Variants in OLFM2 observed in about 807,000 individuals in gnomAD.
OLFM2 encodes the protein olfactomedin 2, also known as noelin-2.
In OLFM2, 20 loss-of-function variants were observed where a neutral mutation model predicts 43.9. That is an observed-to-expected ratio of 0.46 (90% confidence interval 0.32 to 0.66). OLFM2 has a LOEUF of 0.66. Ranked by LOEUF, OLFM2 falls within the 30% of genes least tolerant of loss-of-function variation. The probability of loss-of-function intolerance (pLI) is 0.04; values close to 1 mark genes in which losing one functional copy is unlikely to be tolerated. For missense variants in OLFM2, 416 were observed against 643.6 expected, an observed-to-expected ratio of 0.65 and a Z score of 3.83; for synonymous variants, 268 against 278.6, an observed-to-expected ratio of 0.96 and a Z score of 0.38.
intron 1 of OLFM2, among the ~76,000 whole-genome samples, chr19:9,917,210 G>A (rs758266479): frequency 3.3e-5 from 5 of 152,014 alleles, no homozygotes; most frequent in Non-Finnish European, 5.9e-5. Flanking sequence ...GTCTTGCTCT[G>A]TCACCCAGGC....
chr19:9,905,838 G>A (rs1247532153), intron 1 of OLFM2, among the ~76,000 whole-genome samples: 4 of 152,122 alleles, frequency 2.6e-5, no homozygotes, highest in Admixed American at 2.0e-4. Context: ...TGGCACAGGC[G>A]CTATACCCTG....
At chr19:9,928,367 GTTTC>G (rs1298130915) in intron 1 of OLFM2, among the ~76,000 whole-genome samples, 1 of 152,126 alleles carries the variant, frequency 6.6e-6, no homozygotes, top group Non-Finnish European at 1.5e-5. Context: ...TTGCCTTTTT[GTTTC>G]TTTCTTCTTG....
chr19:9,858,169 T>A, intron 2 of OLFM2: 1 of 463,392 alleles, frequency 2.2e-6, no homozygotes, highest in South Asian at 2.1e-5. Flanking sequence ...GAAGGAACTT[T>A]CAAAACAGAG....
chr19:9,878,132 G>T (rs1323734939), intron 1 of OLFM2, among the ~76,000 whole-genome samples: 1 of 152,138 alleles, frequency 6.6e-6, no homozygotes, highest in African/African-American at 2.4e-5. Context: ...TTACAGGCGT[G>T]AGCCACCACA....
chr19:9,870,377 A>G (rs1454708423), intron 1 of OLFM2, among the ~76,000 whole-genome samples: 2 of 152,224 alleles, frequency 1.3e-5, no homozygotes, highest in Non-Finnish European at 2.9e-5. Context: ...AAGAAAGTCC[A>G]ACGAGGGAGA....
chr19:9,913,274 G>A (rs1022706454), intron 1 of OLFM2, among the ~76,000 whole-genome samples: 3 of 152,174 alleles, frequency 2.0e-5, no homozygotes, highest in Admixed American at 6.5e-5. Context: ...TGGCGCGGAG[G>A]TGGCTAGGGG....
At chr19:9,889,836 G>A (rs992177830) in intron 1 of OLFM2, among the ~76,000 whole-genome samples, 1 of 152,108 alleles carries the variant, frequency 6.6e-6, no homozygotes, top group African/African-American at 2.4e-5. Flanking sequence ...TGGAGCTGCA[G>A]TTGAAGCAAT....
intron 1 of OLFM2, among the ~76,000 whole-genome samples, chr19:9,909,689 C>T (rs1330769536): frequency 6.6e-6 from 1 of 152,192 alleles, no homozygotes; most frequent in Non-Finnish European, 1.5e-5. Flanking sequence ...GCCTCCCCGA[C>T]GTTGGGGTGC....
intron 1 of OLFM2, among the ~76,000 whole-genome samples, chr19:9,915,844 G>A (rs1327221097): frequency 6.6e-6 from 1 of 152,190 alleles, no homozygotes; most frequent in Non-Finnish European, 1.5e-5. Context: ...GCAGAGACCT[G>A]AAGTGAGGAA....
At chr19:9,880,193 G>A (rs1039628507) in intron 1 of OLFM2, among the ~76,000 whole-genome samples, 3 of 152,266 alleles carry the variant, frequency 2.0e-5, no homozygotes, top group Middle Eastern at 3.4e-3. Flanking sequence ...TGTAGCAATG[G>A]CCTTCTGGAA....
intron 1 of OLFM2, among the ~76,000 whole-genome samples, chr19:9,881,018 C>T (rs2046535651): frequency 1.3e-5 from 2 of 152,152 alleles, no homozygotes; most frequent in Non-Finnish European, 2.9e-5. Context: ...CTGCCTCAGC[C>T]TCCCAAGCAG....
intron 1 of OLFM2, among the ~76,000 whole-genome samples, chr19:9,918,950 CACA>C (rs1272291022): frequency 6.6e-6 from 1 of 152,106 alleles, no homozygotes; most frequent in Non-Finnish European, 1.5e-5. Flanking sequence ...GTGATGGCTG[CACA>C]ACTCTGTAAA....
intron 1 of OLFM2, among the ~76,000 whole-genome samples, chr19:9,916,154 C>T (rs1260802038): frequency 6.6e-6 from 1 of 151,994 alleles, no homozygotes; most frequent in Non-Finnish European, 1.5e-5. Flanking sequence ...GCCAGGAGTT[C>T]GAGACCAGCC....
intron 1 of OLFM2, among the ~76,000 whole-genome samples, chr19:9,876,864 G>A (rs1169182118): frequency 2.0e-5 from 3 of 152,148 alleles, no homozygotes; most frequent in Non-Finnish European, 2.9e-5. Flanking sequence ...TGTTGGAAAC[G>A]TAATCCATTT....
At chr19:9,876,017 G>A (rs2046484580) in intron 1 of OLFM2, among the ~76,000 whole-genome samples, 2 of 152,136 alleles carry the variant, frequency 1.3e-5, no homozygotes. Flanking sequence ...ATCTAAAGAA[G>A]CTGTCTTCAG....
chr19:9,894,324 C>T (rs1194603589), intron 1 of OLFM2, among the ~76,000 whole-genome samples: 1 of 150,526 alleles, frequency 6.6e-6, no homozygotes, highest in Non-Finnish European at 1.5e-5. Context: ...TGCAGTGAAA[C>T]CGGGATGGTG....
chr19:9,854,887 T>C lies in OLFM2; in HGVS notation c.688-24A>G. The C allele has an allele frequency of 6.5e-7, 1 of 1,532,294 alleles. No homozygotes were observed. Among genetic ancestry groups the C allele is most frequent in the Non-Finnish European group, 8.8e-7 (1 of 1,135,266 alleles). The allele number at this position is 1,532,294 out of a possible 1,614,324, so 94.9% of individuals were successfully genotyped here. A position where few individuals can be genotyped will look rare whatever the true frequency, so the allele number is the denominator to read the frequency against. ...ACCTATGGTAGCAGCCGCTGGTCAC[T>C]GGGGGGAACCACCACCAACGACCCA... is the stretch of plus-strand genomic sequence containing the variant. On this transcript the variant is annotated intron_variant, in intron 5 of 5. Coordinates refer to ENST00000264833, the MANE Select transcript of OLFM2 (RefSeq NM_058164.4). The surrounding 1 kb of genome is among the most constrained non-coding windows in gnomAD (Gnocchi z 9.5).
Position 9,854,262 on chromosome 19 carries a change from T to G in OLFM2, c.1289A>C (p.Tyr430Ser). ...CACCTGGTGGCCGTTGTTCCAGGTA[T>G]AGAGGGCGCGCTCCCGGGGGTTGTA... ...LDYNPRERAL[Y>S]TWNNGHQVLY... Residue 430 changes from tyrosine (Y) to serine (S), a missense_variant, in exon 6 of 6, where the codon TAT becomes TCT. By Grantham distance (144) the Tyr-to-Ser change is moderately radical (BLOSUM62 -2). Transcript: ENST00000264833. The surrounding 1 kb of genome is among the most constrained non-coding windows in gnomAD (Gnocchi z 9.5). 1 of 1,613,946 alleles carries G rather than the reference T, an allele frequency of 6.2e-7. No individual in the cohort carries two copies. The highest frequency in any genetic ancestry group is 8.5e-7 in the Non-Finnish European group (1 of 1,179,998).
chr19:9,913,703 GC>G, intron 1 of OLFM2: 1 of 1,064,860 alleles, frequency 9.4e-7, no homozygotes, highest in Non-Finnish European at 1.1e-6. Context: ...CGACACCCAG[GC>G]GCCCCGGGGG....
Sources: gnomAD v4.1 joint callset for allele counts (sites outside exome capture counted in the v4.1 genomes callset) on GRCh38, gnomAD v4.1.1 for gene constraint, Gnocchi (gnomAD v3.1) non-coding constraint, MANE v1.5 for transcripts, NCBI Gene and HGNC (gene_info 2026-07-23, HGNC 2026-07-21) for gene names.